Variants in ERG observed in about 807,000 individuals in gnomAD.
ERG encodes transcriptional regulator ERG.
ERG carries 9 observed loss-of-function variants against 55.3 expected under a neutral mutation model. The ratio of observed to expected loss-of-function variants is 0.16; its 90% CI spans 0.10 to 0.28. ERG has a LOEUF of 0.28. ERG is among the 10% of genes least tolerant of loss of function. The pLI is 1.00. For synonymous variants in ERG, 223 were observed against 237.3 expected, an observed-to-expected ratio of 0.94 and a Z score of 0.55; for missense variants, 434 against 631.6, an observed-to-expected ratio of 0.69 and a Z score of 3.35.
chr21:38,646,745 G>A (rs1275123831), intron 1 of ERG, among the ~76,000 whole-genome samples: 3 of 152,076 alleles, frequency 2.0e-5, no homozygotes, highest in Admixed American at 1.3e-4. Context: ...TGGCCCAGGT[G>A]TTTTTCTCTT....
At chr21:38,526,680 T>C (rs528699675) in intron 2 of ERG, among the ~76,000 whole-genome samples, 1 of 152,254 alleles carries the variant, frequency 6.6e-6, no homozygotes, top group African/African-American at 2.4e-5. Flanking sequence ...TGTCCATAGA[T>C]GTTATTTCTG....
chr21:38,438,101 T>C (rs1272567196), intron 2 of ERG, among the ~76,000 whole-genome samples: 1 of 152,216 alleles, frequency 6.6e-6, no homozygotes, highest in Non-Finnish European at 1.5e-5. Flanking sequence ...CTCAGGGCCT[T>C]TGCATTTAGC....
At chr21:38,536,644 T>A (rs2146785079) in intron 2 of ERG, among the ~76,000 whole-genome samples, 1 of 152,306 alleles carries the variant, frequency 6.6e-6, no homozygotes, top group East Asian at 1.9e-4. Flanking sequence ...CAGTGCATGT[T>A]GAAGGGAAGA....
chr21:38,602,804 A>G (rs1162107674), intron 1 of ERG, among the ~76,000 whole-genome samples: 4 of 151,892 alleles, frequency 2.6e-5, no homozygotes, highest in Non-Finnish European at 5.9e-5. Flanking sequence ...AGTTTCCTGA[A>G]GGAAACACAT....
chr21:38,451,106 T>G (rs1001706336), intron 1 of ERG: 1 of 462,480 alleles, frequency 2.2e-6, no homozygotes, highest in Non-Finnish European at 4.3e-6. Context: ...CCATGAGAGA[T>G]GGAATCACCT....
intron 1 of ERG, among the ~76,000 whole-genome samples, chr21:38,633,495 C>T (rs1445858011): frequency 6.6e-6 from 1 of 152,158 alleles, no homozygotes; most frequent in African/African-American, 2.4e-5. Context: ...ATGGCACGAG[C>T]GAGCATTTCT....
chr21:38,381,002 T>C lies in ERG; in HGVS notation c.*2401A>G. On this transcript the variant is annotated 3_prime_UTR_variant, in exon 10 of 10. Transcript: ENST00000288319. The stretch of plus-strand genomic sequence containing the variant: ...CTGCCAGCTTTCATGATTGTATTTA[T>C]TTATTTTCCCTAAGGAGATACGGGC... The C allele has an allele frequency of 9.4e-7, 1 of 1,064,558 alleles. No homozygotes were observed. The highest frequency in any genetic ancestry group is 1.1e-6 in the Non-Finnish European group (1 of 878,814). 65.9% of individuals were successfully genotyped at this position (1,064,558 alleles called of 1,614,324 possible). A position where few individuals can be genotyped will look rare whatever the true frequency, so the allele number is the denominator to read the frequency against.
At chr21:38,635,836 T>C (rs2060384916) in intron 1 of ERG, among the ~76,000 whole-genome samples, 1 of 152,234 alleles carries the variant, frequency 6.6e-6, no homozygotes, top group African/African-American at 2.4e-5. Flanking sequence ...TCAGGTTGAA[T>C]AATATTCAGG....
rs2146692375 is a variant in ERG at position 38,498,003 on chromosome 21, C to T, written c.18+360G>A. 6.6e-6 allele frequency among the ~76,000 whole-genome samples: 1 copy of T among 152,320 alleles called. No individual in the cohort carries two copies. Among genetic ancestry groups the T allele is most frequent in the South Asian group, 2.1e-4 (1 of 4,822 alleles). On this transcript the variant is annotated intron_variant, in intron 1 of 9. Coordinates refer to ENST00000288319, the MANE Select transcript of ERG (RefSeq NM_182918.4). This position sits in a 1 kb window ranked among gnomAD's most constrained non-coding sequence, Gnocchi z 4.6. The stretch of plus-strand genomic sequence containing the variant: ...AAACGCATCTTTTGCTTTGACCCGA[C>T]CCTTCAACCTCTCCGAGTCTGCTGC...
In ERG at chr21:38,632,572, G is replaced by A. The variant is rs368079424; in HGVS notation, c.-150+29086C>T. 1.9e-3 allele frequency among the ~76,000 whole-genome samples: 294 copies of A among 152,310 alleles called. 1 individual carries two copies. Among genetic ancestry groups the A allele is most frequent in the African/African-American group, 6.0e-3 (251 of 41,576 alleles). ...TCTCGTGATAGTGAATAAGTCTCACGAGATTTGATAGTTTTATAAAGGGGA... is the reference window on the plus strand; with the variant it reads ...TCTCGTGATAGTGAATAAGTCTCACAAGATTTGATAGTTTTATAAAGGGGA... On this transcript the variant is annotated intron_variant, in intron 1 of 10. Transcript: ENST00000398910.
chr21:38,470,213 T>C (rs1330605747), intron 1 of ERG, among the ~76,000 whole-genome samples: 1 of 152,096 alleles, frequency 6.6e-6, no homozygotes, highest in Non-Finnish European at 1.5e-5. Flanking sequence ...AGCAAAACAC[T>C]TAATACAATG....
intron 1 of ERG, chr21:38,472,034 C>T (rs2059143804): frequency 1.3e-5 from 2 of 152,084 alleles, no homozygotes; most frequent in African/African-American, 2.4e-5. Flanking sequence ...GATCGTATAG[C>T]GTGTATGATG....
In ERG at chr21:38,392,397, G is replaced by A. The variant is rs2146431600; in HGVS notation, c.793C>T (p.His265Tyr). 1 of 1,566,936 alleles carries A rather than the reference G, an allele frequency of 6.4e-7. No individual in the cohort carries two copies. The highest frequency in any genetic ancestry group is 8.7e-7 in the Non-Finnish European group (1 of 1,154,150). ...PRRSAWTGHG[H>Y]PTPQSKAAQP... is the part of the protein sequence containing the mutation. ...GTACCTTTCGACTGGGGCGTGGGGT[G>A]GCCGTGACCGGTCCAGGCTGATCTC... Residue 265 changes from histidine to tyrosine, a missense_variant, in exon 7 of 10, where the codon CAC (histidine) becomes TAC (tyrosine). By Grantham distance (83) the His-to-Tyr change is moderately conservative. Around this residue, in one of 5 missense-constraint regions of ERG, gnomAD observed 99 missense variants for 145.6 expected, o/e 0.68. Coordinates refer to ENST00000288319, the MANE Select transcript of ERG (RefSeq NM_182918.4).
chr21:38,465,730 A>AT (rs1709482411), intron 1 of ERG, among the ~76,000 whole-genome samples: 1 of 152,154 alleles, frequency 6.6e-6, no homozygotes, highest in Admixed American at 6.5e-5. Flanking sequence ...AATAAAGTCT[A>AT]TTTTTTAAAA....
At chr21:38,396,918 A>AAT (rs1053677752) in intron 6 of ERG, among the ~76,000 whole-genome samples, 15 of 145,278 alleles carry the variant, frequency 1.0e-4, no homozygotes, top group African/African-American at 2.8e-4. Flanking sequence ...AGTATAATAA[A>AAT]ATATATATAT....
chr21:38,656,028 C>T (rs963431286), intron 1 of ERG, among the ~76,000 whole-genome samples: 4 of 152,168 alleles, frequency 2.6e-5, no homozygotes, highest in Non-Finnish European at 4.4e-5. Context: ...CCGCGCCCCC[C>T]GCCAACCCAC....
At chr21:38,573,767 C>T (rs1010865806) in intron 2 of ERG, among the ~76,000 whole-genome samples, 1 of 152,164 alleles carries the variant, frequency 6.6e-6, no homozygotes, top group Admixed American at 6.5e-5. Flanking sequence ...GCGCCGGTCC[C>T]CTGAGCCCAC....
At chr21:38,430,740 C>G (rs1306689224) in intron 2 of ERG, among the ~76,000 whole-genome samples, 1 of 152,194 alleles carries the variant, frequency 6.6e-6, no homozygotes, top group Non-Finnish European at 1.5e-5. Context: ...CCTCACAACT[C>G]CCTAGCAACA....
intron 1 of ERG, among the ~76,000 whole-genome samples, chr21:38,579,192 G>A (rs186982239): frequency 6.6e-6 from 1 of 152,260 alleles, no homozygotes; most frequent in Non-Finnish European, 1.5e-5. Context: ...GGATATCCAA[G>A]ACCGCAGCAA....
Sources: allele counts gnomAD v4.1 joint callset (sites outside exome capture counted in the v4.1 genomes callset), GRCh38; gene constraint gnomAD v4.1.1; regional missense constraint gnomAD v4.1.1; non-coding constraint Gnocchi (gnomAD v3.1); transcripts MANE v1.5; gene names NCBI Gene and HGNC (gene_info 2026-07-23, HGNC 2026-07-21).